The following SLC35F4 variants were observed in gnomAD, a reference collection of about 807,000 sequenced individuals.
The protein encoded by SLC35F4 is chromosome 14 open reading frame 36.
SLC35F4 carries 24 observed loss-of-function variants against 44.2 expected under a neutral mutation model. The observed-to-expected ratio is 0.54, with a 90% CI of 0.39 to 0.76. The LOEUF (loss-of-function observed/expected upper bound fraction) is 0.76, where lower values mean the gene tolerates loss of function less well. Ranked by LOEUF, SLC35F4 falls within the 30% of genes least tolerant of loss-of-function variation. SLC35F4 has a pLI of 0.00. For missense variants in SLC35F4, 562 were observed against 586.1 expected, an observed-to-expected ratio of 0.96 and a Z score of 0.42; for synonymous variants, 238 against 223.6, an observed-to-expected ratio of 1.06 and a Z score of -0.57.
intron 6 of SLC35F4, among the ~76,000 whole-genome samples, chr14:57,568,977 C>G (rs558560609): frequency 6.6e-6 from 1 of 152,258 alleles, no homozygotes; most frequent in African/African-American, 2.4e-5. Context: ...TCAGGCTCCT[C>G]TCACATCAAG....
At chr14:57,746,874 G>A (rs1022783081) in intron 1 of SLC35F4, among the ~76,000 whole-genome samples, 3 of 152,164 alleles carry the variant, frequency 2.0e-5, no homozygotes, top group African/African-American at 7.2e-5. Context: ...AAAGGGTAAA[G>A]AGTGCAGTTG....
chr14:57,791,335 A>G (rs1322961973), intron 1 of SLC35F4, among the ~76,000 whole-genome samples: 5 of 152,240 alleles, frequency 3.3e-5, no homozygotes, highest in African/African-American at 1.2e-4. Flanking sequence ...GGATATGAAC[A>G]CTTTTCAAAA....
chr14:57,691,952 G>A (rs939099691), intron 1 of SLC35F4, among the ~76,000 whole-genome samples: 4 of 152,152 alleles, frequency 2.6e-5, no homozygotes, highest in African/African-American at 9.7e-5. Flanking sequence ...AAGTTCAGAT[G>A]TGGAACACGA....
intron 6 of SLC35F4, among the ~76,000 whole-genome samples, chr14:57,569,279 A>C (rs1463755955): frequency 3.9e-5 from 6 of 152,108 alleles, no homozygotes; most frequent in Non-Finnish European, 8.8e-5. Flanking sequence ...TACTAAGTGG[A>C]CTTTAAATCC....
chr14:57,904,383 T>C (rs573459999), intron 1 of SLC35F4, among the ~76,000 whole-genome samples: 1 of 152,350 alleles, frequency 6.6e-6, no homozygotes, highest in African/African-American at 2.4e-5. Context: ...AAGCAAACGG[T>C]ATTCTCAGAT....
At chr14:57,951,412 C>T (rs1890137996) in intron 1 of SLC35F4, among the ~76,000 whole-genome samples, 1 of 152,050 alleles carries the variant, frequency 6.6e-6, no homozygotes, top group Non-Finnish European at 1.5e-5. Context: ...CCCAGTGGTG[C>T]CTGAAATGCC....
intron 1 of SLC35F4, among the ~76,000 whole-genome samples, chr14:57,813,533 T>C (rs1882212082): frequency 6.6e-6 from 1 of 152,124 alleles, no homozygotes; most frequent in African/African-American, 2.4e-5. Flanking sequence ...GAGGTTGCAG[T>C]GAGCAGAGTG....
At chr14:57,613,308 CA>C (rs1420872220) in intron 1 of SLC35F4, among the ~76,000 whole-genome samples, 1 of 152,164 alleles carries the variant, frequency 6.6e-6, no homozygotes, top group African/African-American at 2.4e-5. Flanking sequence ...CTGACTCCAT[CA>C]GGGGTTTAGA....
chr14:57,836,289 T>TATTG (rs991549961), intron 1 of SLC35F4, among the ~76,000 whole-genome samples: 15 of 152,184 alleles, frequency 9.9e-5, no homozygotes, highest in East Asian at 3.8e-4. Context: ...TTTTTTATTT[T>TATTG]ATTGATTGAT....
intron 1 of SLC35F4, among the ~76,000 whole-genome samples, chr14:57,606,562 T>C (rs1484244416): frequency 6.6e-6 from 1 of 152,226 alleles, no homozygotes; most frequent in African/African-American, 2.4e-5. Context: ...TGCTCCAAAT[T>C]CTTGGTTTCC....
intron 1 of SLC35F4, among the ~76,000 whole-genome samples, chr14:57,706,900 GGA>G (rs1429517070): frequency 6.6e-6 from 1 of 152,206 alleles, no homozygotes; most frequent in Admixed American, 6.5e-5. Context: ...GCTTTGAGAA[GGA>G]GAGAGTCATT....
chr14:57,573,335 A>G (rs532092316), intron 4 of SLC35F4, among the ~76,000 whole-genome samples: 8 of 152,312 alleles, frequency 5.3e-5, no homozygotes, highest in African/African-American at 1.9e-4. Flanking sequence ...AGTACTTGAG[A>G]ATAGACATAG....
intron 1 of SLC35F4, among the ~76,000 whole-genome samples, chr14:57,787,631 A>C (rs1183733358): frequency 1.3e-5 from 2 of 152,238 alleles, no homozygotes; most frequent in African/African-American, 4.8e-5. Flanking sequence ...AACAATTATC[A>C]GCCAAGAATT....
intron 1 of SLC35F4, among the ~76,000 whole-genome samples, chr14:57,953,860 C>G (rs192024197): frequency 6.6e-6 from 1 of 152,270 alleles, no homozygotes. Flanking sequence ...CAATATTAGA[C>G]AGATCAATGA....
chr14:57,790,444 C>T (rs1280261659), intron 1 of SLC35F4, among the ~76,000 whole-genome samples: 1 of 152,108 alleles, frequency 6.6e-6, no homozygotes, highest in Non-Finnish European at 1.5e-5. Context: ...TGAAGGACCT[C>T]TTCAATGAAA....
intron 1 of SLC35F4, among the ~76,000 whole-genome samples, chr14:57,698,859 C>CA (rs2075455880): frequency 6.6e-6 from 1 of 152,084 alleles, no homozygotes; most frequent in Non-Finnish European, 1.5e-5. Context: ...CTCCTGACCT[C>CA]AGGAGATCCA....
downstream of SLC35F4, among the ~76,000 whole-genome samples, chr14:57,975,605 A>G (rs1471133601): frequency 6.6e-6 from 1 of 152,188 alleles, no homozygotes; most frequent in African/African-American, 2.4e-5. Flanking sequence ...TTTCAGAAAA[A>G]TGGAAATGTA....
intron 1 of SLC35F4, among the ~76,000 whole-genome samples, chr14:57,701,623 A>G (rs1348719502): frequency 6.6e-6 from 1 of 152,204 alleles, no homozygotes; most frequent in East Asian, 1.9e-4. Flanking sequence ...TTTCAGCTCC[A>G]CTATAATTTC....
chr14:57,852,616 T>G (rs1341440584), intron 1 of SLC35F4, among the ~76,000 whole-genome samples: 1 of 152,166 alleles, frequency 6.6e-6, no homozygotes, highest in Non-Finnish European at 1.5e-5. Context: ...CTAAGCACCT[T>G]TGTTCTAAAA....
Sources: gnomAD v4.1 joint callset for allele counts (sites outside exome capture counted in the v4.1 genomes callset) on GRCh38, gnomAD v4.1.1 for gene constraint, MANE v1.5 for transcripts, NCBI Gene and HGNC (gene_info 2026-07-23, HGNC 2026-07-21) for gene names.